NCKAP1L: variants seen among roughly 807,000 people sequenced by gnomAD.
NCKAP1L encodes nck-associated protein 1-like.
In NCKAP1L, 53 loss-of-function variants were observed where a neutral mutation model predicts 139.2. That is an observed-to-expected ratio of 0.38 (90% CI 0.31 to 0.48). The LOEUF is 0.48. NCKAP1L is among the 20% of genes least tolerant of loss of function. The pLI, the probability that NCKAP1L is intolerant of heterozygous loss-of-function variation, is 0.98. For synonymous variants in NCKAP1L, 468 were observed against 499.7 expected, an observed-to-expected ratio of 0.94 and a Z score of 0.85; for missense variants, 1,151 against 1,381.9, an observed-to-expected ratio of 0.83 and a Z score of 2.65.
At chr12:54,518,532 C>G (rs1406364607) in intron 13 of NCKAP1L, 119 bp from the exon 14 acceptor site, 1 of 835,786 alleles carries the variant, frequency 1.2e-6, no homozygotes, top group Non-Finnish European at 2.1e-6. Context: ...GGCTTTTTCT[C>G]TCTGTTTTTA....
Position 54,535,281 on chromosome 12 carries a change from C to A in NCKAP1L, c.2956+84C>A, listed in dbSNP as rs570335636. ...TGAAAAAATGTCAATGTCAAAGAAGCCTTTATTTGAGATTATATATTCAGA... is the reference window on the plus strand; with the variant it reads ...TGAAAAAATGTCAATGTCAAAGAAGACTTTATTTGAGATTATATATTCAGA... On this transcript the variant is annotated intron_variant, in intron 27 of 30. Coordinates refer to ENST00000293373, the MANE Select transcript of NCKAP1L (RefSeq NM_005337.5). The A allele has an allele frequency of 1.9e-5, 20 of 1,028,694 alleles. No homozygotes were observed. The East Asian group carries it at 2.2e-4, about 11-fold the overall frequency. The allele number at this position is 1,028,694 out of a possible 1,614,324, so 63.7% of individuals were successfully genotyped here.
intron 3 of NCKAP1L, chr12:54,501,029 C>T (rs182356760): frequency 1.9e-4 from 31 of 160,376 alleles, no homozygotes; most frequent in Non-Finnish European, 3.0e-4. Flanking sequence ...GTATACAGTT[C>T]AGTGGTACTA....
At chr12:54,507,138 T>C (rs912191784) in intron 3 of NCKAP1L, among the ~76,000 whole-genome samples, 2 of 151,982 alleles carry the variant, frequency 1.3e-5, no homozygotes, top group Admixed American at 6.6e-5. Context: ...AATAGTATTA[T>C]ATAAATAGGG....
intron 29 of NCKAP1L, 144 bp downstream of exon 29, chr12:54,537,197 T>A (rs1452402634): frequency 1.8e-6 from 1 of 546,240 alleles, no homozygotes; most frequent in Non-Finnish European, 3.2e-6. Context: ...GAAGCTACTA[T>A]GTGAAAGGCA....
Position 54,537,003 on chromosome 12 carries a change from T to C in NCKAP1L, c.3133T>C (p.Phe1045Leu), listed in dbSNP as rs145325778. The C allele has an allele frequency of 6.2e-7, 1 of 1,613,874 alleles. No individual in the cohort carries two copies. Among genetic ancestry groups the C allele is most frequent in the African/African-American group, 1.3e-5 (1 of 75,042 alleles). The change falls in exon 29 of 31, where the codon TTC (phenylalanine) becomes CTC (leucine). Residue 1045 changes from phenylalanine (F) to leucine (L), a missense_variant. Transcript: ENST00000293373. The stretch of plus-strand genomic sequence containing the variant: ...CATCATCCAGGTGTCTGCTGCCCTC[T>C]TCACGCTCTACAACAAGAACATTGA... ...KAIIQVSAAL[F>L]TLYNKNIETH... is the part of the protein sequence containing the mutation.
chr12:54,523,698 A>G, intron 19 of NCKAP1L, 127 bp from the exon 20 acceptor site: 1 of 1,445,254 alleles, frequency 6.9e-7, no homozygotes, highest in Non-Finnish European at 9.3e-7. Context: ...TTGCCTTTGA[A>G]GTCTACATCA....
At chr12:54,535,691 T>A (rs545103477) in intron 27 of NCKAP1L, among the ~76,000 whole-genome samples, 1 of 152,362 alleles carries the variant, frequency 6.6e-6, no homozygotes, top group Admixed American at 6.5e-5. Flanking sequence ...TTCCTCTGAT[T>A]TCAGTCATAC....
intron 19 of NCKAP1L, 71 bp downstream of exon 19, chr12:54,523,610 T>G: frequency 6.0e-6 from 9 of 1,511,522 alleles, no homozygotes; most frequent in Non-Finnish European, 8.0e-6. Context: ...AGAGGGAAGG[T>G]GACACAGAAA....
chr12:54,518,886 T>C lies in NCKAP1L; in HGVS notation c.1421-28T>C, dbSNP rs748231344. The stretch of plus-strand genomic sequence containing the variant: ...GGATATTGGTGTGCTGTTTATTGTT[T>C]CCTTTTATACTTCCGTTTTTCTTGC... On this transcript the variant is annotated intron_variant, in intron 14 of 30. Transcript: ENST00000293373. 4 of 1,603,576 alleles carry C rather than the reference T, an allele frequency of 2.5e-6. No individual in the cohort carries two copies. In the Admixed American group the frequency reaches 6.7e-5, roughly 27 times the overall value.
intron 3 of NCKAP1L, among the ~76,000 whole-genome samples, chr12:54,504,098 G>A (rs1284194040): frequency 6.6e-6 from 1 of 152,104 alleles, no homozygotes; most frequent in Non-Finnish European, 1.5e-5. Context: ...AAAGAAGATT[G>A]GAATTTCTGA....
chr12:54,509,654 T>C lies in NCKAP1L; in HGVS notation c.507-15T>C. The stretch of plus-strand genomic sequence containing the variant: ...TAAGGGAGGGCTGTAACCCCTCTCC[T>C]CTGCTTTCTTCTAGTGACCCCAGTT... On this transcript the variant is annotated splice_polypyrimidine_tract_variant and intron_variant, in intron 5 of 30. Transcript: ENST00000293373. 6.3e-7 allele frequency: 1 copy of C among 1,593,640 alleles called. No homozygotes were observed. Among genetic ancestry groups the C allele is most frequent in the Non-Finnish European group, 8.6e-7 (1 of 1,161,440 alleles).
At chr12:54,507,806 C>A in intron 3 of NCKAP1L, 47 bp from the exon 4 acceptor site, 3 of 1,572,998 alleles carry the variant, frequency 1.9e-6, no homozygotes, top group Non-Finnish European at 2.6e-6. Context: ...AGTACGTCAC[C>A]TTCTCTTTGA....
chr12:54,499,476 G>T lies in NCKAP1L; in HGVS notation c.213+11G>T. ...GTCCGAAACAGCACGGTGAGAACTT[G>T]GTCCTTCTCTCCTTTCTCTGAATAA... On this transcript the variant is annotated intron_variant, in intron 2 of 30. Transcript: ENST00000293373. The T allele has an allele frequency of 7.1e-7, 1 of 1,413,086 alleles. No homozygotes were observed. Among genetic ancestry groups the T allele is most frequent in the Non-Finnish European group, 1.0e-6 (1 of 997,148 alleles). The allele number at this position is 1,413,086 out of a possible 1,614,324, so 87.5% of individuals were successfully genotyped here.
intron 28 of NCKAP1L, chr12:54,536,690 C>T: frequency 2.8e-6 from 1 of 362,974 alleles, no homozygotes; most frequent in Non-Finnish European, 4.8e-6. Context: ...AGAAAAGGAA[C>T]AAAACACCAA....
intron 1 of NCKAP1L, 65 bp from the exon 2 acceptor site, chr12:54,499,290 C>A: frequency 2.2e-6 from 2 of 914,054 alleles, no homozygotes; most frequent in South Asian, 1.3e-5. Flanking sequence ...ATGAATGTTG[C>A]AAGAAGAGGT....
rs1261321237 is a variant in NCKAP1L, at chr12:54,544,005, G to T, written c.*1320G>T. 6.6e-6 allele frequency: 1 copy of T among 152,184 alleles called. No homozygotes were observed. Among genetic ancestry groups the T allele is most frequent in the African/African-American group, 2.4e-5 (1 of 41,432 alleles). 9.4% of individuals were successfully genotyped at this position (152,184 alleles called of 1,614,324 possible). ...CTGAAGCCTATTTGATAGCTGTTTT[G>T]GGGTTTTGTACATGTGTTTGCTTTT... On this transcript the variant is annotated 3_prime_UTR_variant, in exon 31 of 31. Coordinates refer to ENST00000293373, the MANE Select transcript of NCKAP1L (RefSeq NM_005337.5).
In NCKAP1L at chr12:54,519,247, G is replaced by A; in HGVS notation, c.1540G>A (p.Val514Met). Residue 514 changes from valine to methionine, a missense_variant, in exon 16 of 31, where the codon GTG (valine) becomes ATG (methionine). Physicochemically the swap from Val to Met is conservative, Grantham distance 21. Coordinates refer to ENST00000293373, the MANE Select transcript of NCKAP1L (RefSeq NM_005337.5). ...GCATGAGAACCCTGACTTAGCCAAG[G>A]TGATGAACCTCATTGTCTTCCACTC... ...HLHENPDLAK[V>M]MNLIVFHSRM... The A allele has an allele frequency of 6.3e-7, 1 of 1,589,194 alleles. No homozygotes were observed. The highest frequency in any genetic ancestry group is 8.5e-7 in the Non-Finnish European group (1 of 1,173,376).
chr12:54,540,870 G>A (rs1317370737), intron 30 of NCKAP1L, among the ~76,000 whole-genome samples: 4 of 152,216 alleles, frequency 2.6e-5, no homozygotes, highest in Non-Finnish European at 4.4e-5. Context: ...CTAGGATCAG[G>A]TACTTTTTGT....
chr12:54,508,202 T>G (rs1956858134), intron 4 of NCKAP1L, among the ~76,000 whole-genome samples, 187 bp from the exon 5 acceptor site: 1 of 152,238 alleles, frequency 6.6e-6, no homozygotes, highest in South Asian at 2.1e-4. Context: ...TCCTTGTATA[T>G]TGAGCTCACT....
Sources: gnomAD v4.1 joint callset for allele counts (sites outside exome capture counted in the v4.1 genomes callset) on GRCh38, gnomAD v4.1.1 for gene constraint, MANE v1.5 for transcripts, NCBI Gene and HGNC (gene_info 2026-07-23, HGNC 2026-07-21) for gene names.